Variants in OLFML2B observed in about 807,000 individuals in gnomAD.
OLFML2B encodes the protein olfactomedin-like protein 2B.
Under a neutral mutation model 74.9 loss-of-function variants are expected in OLFML2B, and 57 were observed. The observed-to-expected ratio is 0.76, with a 90% CI of 0.61 to 0.95. The LOEUF is 0.95. Ranked by LOEUF, OLFML2B falls within the 40% of genes least tolerant of loss-of-function variation. The probability of loss-of-function intolerance (pLI) is 0.00; values close to 1 mark genes in which losing one functional copy is unlikely to be tolerated. For missense variants in OLFML2B, 986 were observed against 970.6 expected (o/e 1.02, Z -0.21); for synonymous variants, 388 against 405.8 (o/e 0.96, Z 0.53).
At chr1:161,991,555 T>C (rs1170946215) in intron 6 of OLFML2B, among the ~76,000 whole-genome samples, 3 of 152,112 alleles carry the variant, frequency 2.0e-5, no homozygotes, top group Admixed American at 6.5e-5. Context: ...GCCAACATGG[T>C]GAAACTCCAT....
chr1:162,021,863 C>T (rs1442148790), intron 1 of OLFML2B, among the ~76,000 whole-genome samples: 1 of 152,104 alleles, frequency 6.6e-6, no homozygotes, highest in Non-Finnish European at 1.5e-5. Context: ...TCCAGAGCCC[C>T]AGTGTGAGAG....
In OLFML2B at chr1:161,983,596, C is replaced by A; in HGVS notation, c.*79G>T. 6.9e-7 allele frequency: 1 copy of A among 1,453,378 alleles called. No homozygotes were observed. Among genetic ancestry groups the A allele is most frequent in the South Asian group, 1.3e-5 (1 of 74,768 alleles). 90.0% of individuals were successfully genotyped at this position (1,453,378 alleles called of 1,614,324 possible). A position where few individuals can be genotyped will look rare whatever the true frequency, so the allele number is the denominator to read the frequency against. ...ATATTTTTAAACAACACATACCCAC[C>A]TACACACACGTGCGCGCACACACAT... On this transcript the variant is annotated 3_prime_UTR_variant, in exon 8 of 8. Transcript: ENST00000294794.
chr1:162,017,700 A>G (rs1690584338), intron 2 of OLFML2B, among the ~76,000 whole-genome samples, 193 bp from the exon 3 acceptor site: 1 of 152,220 alleles, frequency 6.6e-6, no homozygotes, highest in Non-Finnish European at 1.5e-5. Context: ...CTGCCTTCCG[A>G]AATGTTTGGG....
intron 5 of OLFML2B, among the ~76,000 whole-genome samples, chr1:161,998,593 C>T (rs1571294260): frequency 2.0e-5 from 3 of 152,040 alleles, no homozygotes; most frequent in Admixed American, 2.0e-4. Context: ...ACTCAGGGGT[C>T]ACTGGCAGGA....
At chr1:161,995,678 C>T (rs1689876869) in intron 6 of OLFML2B, among the ~76,000 whole-genome samples, 1 of 152,190 alleles carries the variant, frequency 6.6e-6, no homozygotes, top group Non-Finnish European at 1.5e-5. Flanking sequence ...ACGGAAGAGG[C>T]TCCCAGGCTG....
At chr1:161,995,102 G>A (rs1384541291) in intron 6 of OLFML2B, among the ~76,000 whole-genome samples, 1 of 152,222 alleles carries the variant, frequency 6.6e-6, no homozygotes. Context: ...TGCAGAGAAT[G>A]TTAGGGTATG....
chr1:162,005,737 C>T (rs1236589729), intron 4 of OLFML2B, among the ~76,000 whole-genome samples: 1 of 151,648 alleles, frequency 6.6e-6, no homozygotes, highest in African/African-American at 2.4e-5. Context: ...CCTGTATTTA[C>T]AAAAAATAAA....
chr1:162,020,003 A>C lies in OLFML2B; in HGVS notation c.354T>G (p.Cys118Trp). ...GATTGAGGGCCGATGGGGGTGCTACACAGGCACACTTGCACGACGAGCCTG... is the reference window on the plus strand; with the variant it reads ...GATTGAGGGCCGATGGGGGTGCTACCCAGGCACACTTGCACGACGAGCCTG... ...ITSGSSCKCA[C>W]VAPPSALNPC... Residue 118 changes from cysteine (C) to tryptophan (W), a missense_variant, in exon 2 of 8, where the codon TGT becomes TGG. Cys to Trp is a radical substitution (Grantham distance 215, BLOSUM62 -2). Coordinates refer to ENST00000294794, the MANE Select transcript of OLFML2B (RefSeq NM_015441.3). The C allele has an allele frequency of 1.2e-6, 2 of 1,614,164 alleles. No individual in the cohort carries two copies. The highest frequency in any genetic ancestry group is 3.3e-5 in the Admixed American group (2 of 60,028).
At chr1:161,985,064 G>T in intron 6 of OLFML2B, 84 bp from the exon 7 acceptor site, 1 of 1,412,356 alleles carries the variant, frequency 7.1e-7, no homozygotes, top group Non-Finnish European at 9.6e-7. Flanking sequence ...TCCATTTAGA[G>T]TCTGGACTCC....
rs1690796098 is a variant in OLFML2B, at chr1:162,023,566, C to T, written c.-136G>A. On this transcript the variant is annotated 5_prime_UTR_variant, in exon 1 of 8. Coordinates refer to ENST00000294794, the MANE Select transcript of OLFML2B (RefSeq NM_015441.3). ...TGAGAGCACCTTCTAAAGCTGGGTG[C>T]GGCTGAGCGGGACGGGAGGGTGCGC... 8.3e-6 allele frequency: 7 copies of T among 845,494 alleles called. No individual in the cohort carries two copies. Among genetic ancestry groups the T allele is most frequent in the Non-Finnish European group, 1.2e-5 (7 of 597,970 alleles). The allele number at this position is 845,494 out of a possible 1,614,324, so 52.4% of individuals were successfully genotyped here.
Position 161,984,053 on chromosome 1 carries a change from G to A in OLFML2B, c.1875C>T (p.Asp625=), listed in dbSNP as rs1379795545. The A allele has an allele frequency of 3.7e-6, 6 of 1,614,140 alleles. No individual in the cohort carries two copies. Among genetic ancestry groups the A allele is most frequent in the Non-Finnish European group, 3.4e-6 (4 of 1,180,020 alleles). ...QGHSDVDFAV[D]ENGLWLIYPA... is the part of the protein sequence containing the mutation. ...GGTAGATGAGCCATAGGCCATTCTC[G>A]TCCACAGCAAAGTCCACGTCTGAGT... The change falls in exon 8 of 8, where the codon GAC becomes GAT. Residue 625 remains aspartate, a synonymous_variant. Coordinates refer to ENST00000294794, the MANE Select transcript of OLFML2B (RefSeq NM_015441.3).
intron 6 of OLFML2B, among the ~76,000 whole-genome samples, chr1:161,997,345 A>G (rs1443762433): frequency 6.6e-6 from 1 of 152,042 alleles, no homozygotes; most frequent in Non-Finnish European, 1.5e-5. Flanking sequence ...TATGCTCTCC[A>G]TGGGTGGGGC....
At chr1:162,018,988 T>A (rs1690624944) in intron 2 of OLFML2B, among the ~76,000 whole-genome samples, 1 of 152,154 alleles carries the variant, frequency 6.6e-6, no homozygotes, top group Non-Finnish European at 1.5e-5. Flanking sequence ...ACTGAGTGAG[T>A]GTGGCACTTG....
At position 161,997,917 on chromosome 1, in the gene OLFML2B, G is replaced by A. The variant is rs368834766; in HGVS notation, c.1382C>T (p.Ser461Leu). The part of the protein sequence containing the change: ...PVPPTTVRTD[S>L]LGKDAPAGWG... ...CCCAGCAGGAGCATCTTTCCCCAGC[G>A]AGTCTGTTCTGACTGTGGTGGGAGG... The change falls in exon 6 of 8, where the codon TCG becomes TTG. Residue 461 changes from serine to leucine, a missense_variant. Transcript: ENST00000294794. 2.1e-5 allele frequency: 34 copies of A among 1,614,098 alleles called. No homozygotes were observed. The highest frequency in any genetic ancestry group is 8.0e-5 in the African/African-American group (6 of 74,942).
intron 6 of OLFML2B, among the ~76,000 whole-genome samples, chr1:161,991,000 G>C (rs1488738098): frequency 6.6e-6 from 1 of 152,206 alleles, no homozygotes; most frequent in East Asian, 1.9e-4. Flanking sequence ...TCAGATTGCA[G>C]CAATTCAGTC....
chr1:161,989,624 T>G (rs1052113546), intron 6 of OLFML2B, among the ~76,000 whole-genome samples: 3 of 152,206 alleles, frequency 2.0e-5, no homozygotes, highest in Non-Finnish European at 4.4e-5. Context: ...AGGGCTGCCC[T>G]TCATTTAATG....
Position 162,017,543 on chromosome 1 carries a change from G to A in OLFML2B, c.439-36C>T, listed in dbSNP as rs370370516. 4 of 1,495,692 alleles carry A rather than the reference G, an allele frequency of 2.7e-6. No homozygotes were observed. In the African/African-American group the frequency reaches 4.2e-5, roughly 16 times the overall value. 92.7% of individuals were successfully genotyped at this position (1,495,692 alleles called of 1,614,324 possible). On this transcript the variant is annotated intron_variant, in intron 2 of 7. Coordinates refer to ENST00000294794, the MANE Select transcript of OLFML2B (RefSeq NM_015441.3). Reference sequence around the variant, plus strand: ...AGGCAAGGGGTTAGTCCAGGGCTGGGGCACACAGACACAGGGCAGAGTTTC... The same window carrying A: ...AGGCAAGGGGTTAGTCCAGGGCTGGAGCACACAGACACAGGGCAGAGTTTC...
At chr1:161,995,105 AG>A (rs879508726) in intron 6 of OLFML2B, among the ~76,000 whole-genome samples, 1 of 152,218 alleles carries the variant, frequency 6.6e-6, no homozygotes, top group Non-Finnish European at 1.5e-5. Context: ...AGAGAATGTT[AG>A]GGTATGAAAA....
In OLFML2B at chr1:162,023,238, G is replaced by T; in HGVS notation, c.174+19C>A. On this transcript the variant is annotated intron_variant, in intron 1 of 7. Coordinates refer to ENST00000294794, the MANE Select transcript of OLFML2B (RefSeq NM_015441.3). ...ACCATCCAGGGCAAGAAGGGCGGTC[G>T]TGGCACTCTGCATCCTACCTGAGAT... 2.0e-6 allele frequency: 3 copies of T among 1,486,518 alleles called. No individual in the cohort carries two copies. The highest frequency in any genetic ancestry group is 2.7e-6 in the Non-Finnish European group (3 of 1,106,426). The allele number at this position is 1,486,518 out of a possible 1,614,324, so 92.1% of individuals were successfully genotyped here.
Sources: gnomAD v4.1 joint callset for allele counts (sites outside exome capture counted in the v4.1 genomes callset) on GRCh38, gnomAD v4.1.1 for gene constraint, MANE v1.5 for transcripts, NCBI Gene and HGNC (gene_info 2026-07-23, HGNC 2026-07-21) for gene names.